The following CEP19 variants were observed in gnomAD, a reference collection of about 807,000 sequenced individuals.
The protein encoded by CEP19 is centrosomal protein of 19 kDa.
A neutral mutation model predicts 17.5 loss-of-function variants in CEP19; 14 were observed. That is an observed-to-expected ratio of 0.80 (90% CI 0.53 to 1.25). The LOEUF (loss-of-function observed/expected upper bound fraction) is 1.25, where lower values mean the gene tolerates loss of function less well. CEP19 is among the 50% of genes most tolerant of loss of function. The probability of loss-of-function intolerance (pLI) is 0.00; values close to 1 mark genes in which losing one functional copy is unlikely to be tolerated. For synonymous variants in CEP19, 59 were observed against 65.5 expected (o/e 0.90, Z 0.48); for missense variants, 193 against 192.0 (o/e 1.01, Z -0.03).
chr3:196,711,603 T>C lies in CEP19; in HGVS notation c.-71+326A>G, dbSNP rs566501956. On this transcript the variant is annotated intron_variant, in intron 1 of 2. Transcript: ENST00000409690. Reference sequence around the variant, plus strand: ...GCTGGGGCTATAGGCGTGAGCCACCTGCCCGGCTATTTTCAGTTTTGGATA... The same window carrying C: ...GCTGGGGCTATAGGCGTGAGCCACCCGCCCGGCTATTTTCAGTTTTGGATA... Among the ~76,000 whole-genome samples, 12 of 152,316 alleles carry C rather than the reference T, an allele frequency of 7.9e-5. No homozygotes were observed. In the South Asian group the frequency reaches 2.5e-3, roughly 32 times the overall value.
At position 196,707,094 on chromosome 3, in the gene CEP19, G is replaced by C. The variant is rs1481883356; in HGVS notation, c.*457C>G. The C allele has an allele frequency of 6.8e-6, 1 of 146,440 alleles. No homozygotes were observed. The highest frequency in any genetic ancestry group is 1.5e-5 in the Non-Finnish European group (1 of 68,060). The allele number at this position is 146,440 out of a possible 1,614,324, so 9.1% of individuals were successfully genotyped here. On this transcript the variant is annotated 3_prime_UTR_variant, in exon 3 of 3. Coordinates refer to ENST00000409690, the MANE Select transcript of CEP19 (RefSeq NM_032898.5). ...CGCCCAGGCTGGAGTACAATGGCGC[G>C]ATCTCGGCTCACTGCAACCTCAGCC...
chr3:196,711,708 G>A (rs1047626360), intron 1 of CEP19, among the ~76,000 whole-genome samples: 1 of 152,156 alleles, frequency 6.6e-6, no homozygotes, highest in Non-Finnish European at 1.5e-5. Context: ...CCGCCTGGAT[G>A]CTCTCTTGGC....
chr3:196,708,557 A>G lies in CEP19; in HGVS notation c.101T>C (p.Met34Thr). The G allele has an allele frequency of 1.2e-6, 2 of 1,614,206 alleles. No individual in the cohort carries two copies. The highest frequency in any genetic ancestry group is 1.7e-6 in the Non-Finnish European group (2 of 1,180,032). ...AAACTTTGAAAAGTTTCGAACTGGC[A>G]TAATGCGCTGGCGAATTTTCCCCTT... ...EIKGKIRQRIMPVRNFSKFSD... is the reference protein window; with the variant it reads ...EIKGKIRQRITPVRNFSKFSD... The change falls in exon 2 of 3, where the codon ATG (methionine) becomes ACG (threonine). Residue 34 changes from methionine to threonine, a missense_variant. Physicochemically the swap from Met to Thr is moderately conservative, Grantham distance 81. Transcript: ENST00000409690.
intron 1 of CEP19, among the ~76,000 whole-genome samples, chr3:196,710,227 G>A (rs1711695513): frequency 6.6e-6 from 1 of 151,900 alleles, no homozygotes; most frequent in Non-Finnish European, 1.5e-5. Context: ...TTATTGTTGG[G>A]CATGAGAATT....
At chr3:196,711,623 T>C (rs1282630613) in intron 1 of CEP19, among the ~76,000 whole-genome samples, 1 of 152,214 alleles carries the variant, frequency 6.6e-6, no homozygotes, top group Non-Finnish European at 1.5e-5. Context: ...TTTTCAGTTT[T>C]GGATAGTATG....
rs1327584503 is a variant in CEP19 at position 196,711,986 on chromosome 3, T to G, written c.-128A>C. 1.4e-6 allele frequency: 1 copy of G among 717,016 alleles called. No individual in the cohort carries two copies. The allele number at this position is 717,016 out of a possible 1,614,324, so 44.4% of individuals were successfully genotyped here. A position where few individuals can be genotyped will look rare whatever the true frequency, so the allele number is the denominator to read the frequency against. On this transcript the variant is annotated 5_prime_UTR_variant, in exon 1 of 3. Coordinates refer to ENST00000409690, the MANE Select transcript of CEP19 (RefSeq NM_032898.5). ...AGGCCAACGTCTAAACAACCAGGAGTGGGTTTTTCCACCCAACCGCAGTGC... is the reference window on the plus strand; with the variant it reads ...AGGCCAACGTCTAAACAACCAGGAGGGGGTTTTTCCACCCAACCGCAGTGC...
chr3:196,707,912 T>A lies in CEP19; in HGVS notation c.131A>T (p.Asp44Val), dbSNP rs1308269033. 1.9e-6 allele frequency: 3 copies of A among 1,607,890 alleles called. No individual in the cohort carries two copies. Among genetic ancestry groups the A allele is most frequent in the Non-Finnish European group, 2.5e-6 (3 of 1,179,328 alleles). Residue 44 changes from aspartate (D) to valine (V), a missense_variant and splice_region_variant, in exon 3 of 3, where the codon GAT becomes GTT. Transcript: ENST00000409690. Reference sequence around the variant, plus strand: ...TAATTGTTCAGCAGCTCTGGTGCAATCTGGGAGAGAGAAGAAAACTATATA... The same window carrying A: ...TAATTGTTCAGCAGCTCTGGTGCAAACTGGGAGAGAGAAGAAAACTATATA... ...MPVRNFSKFSDCTRAAEQLKN... is the reference protein window; with the variant it reads ...MPVRNFSKFSVCTRAAEQLKN...
At chr3:196,709,414 T>A (rs997588398) in intron 1 of CEP19, among the ~76,000 whole-genome samples, 9 of 152,214 alleles carry the variant, frequency 5.9e-5, no homozygotes, top group African/African-American at 2.2e-4. Flanking sequence ...ATATTCATTT[T>A]CCACCACAAT....
In CEP19 at chr3:196,711,989, G is replaced by A. The variant is rs1336327158; in HGVS notation, c.-131C>T. On this transcript the variant is annotated 5_prime_UTR_variant, in exon 1 of 3. Coordinates refer to ENST00000409690, the MANE Select transcript of CEP19 (RefSeq NM_032898.5). ...CCAACGTCTAAACAACCAGGAGTGG[G>A]TTTTTCCACCCAACCGCAGTGCACG... The A allele has an allele frequency of 5.0e-5, 36 of 717,264 alleles. No individual in the cohort carries two copies. Among genetic ancestry groups the A allele is most frequent in the Non-Finnish European group, 8.8e-5 (34 of 385,048 alleles). 44.4% of individuals were successfully genotyped at this position (717,264 alleles called of 1,614,324 possible). A position where few individuals can be genotyped will look rare whatever the true frequency, so the allele number is the denominator to read the frequency against.
intron 2 of CEP19, 45 bp from the exon 3 acceptor site, chr3:196,707,957 A>T: frequency 6.4e-7 from 1 of 1,562,544 alleles, no homozygotes; most frequent in Non-Finnish European, 8.6e-7. Context: ...TACCACGTAC[A>T]TCATATACGC....
At chr3:196,708,867 G>A (rs1227096825) in intron 1 of CEP19, 140 bp from the exon 2 acceptor site, 18 of 544,430 alleles carry the variant, frequency 3.3e-5, no homozygotes, top group South Asian at 2.9e-4. Context: ...ATTAAAATAC[G>A]GACTGCTTCA....
rs747917849 is a variant in CEP19, at chr3:196,708,664, G to A, written c.-7C>T. ...TCTTGGCAGTGCACATCATTCCCAT[G>A]TACATGTCCGGGTAAGTCAGAGGAA... On this transcript the variant is annotated 5_prime_UTR_variant, in exon 2 of 3. Coordinates refer to ENST00000409690, the MANE Select transcript of CEP19 (RefSeq NM_032898.5). 3.1e-6 allele frequency: 5 copies of A among 1,613,364 alleles called. No individual in the cohort carries two copies. The South Asian group carries it at 3.3e-5, about 11-fold the overall frequency.
chr3:196,709,790 T>C (rs1201984900), intron 1 of CEP19, among the ~76,000 whole-genome samples: 1 of 152,242 alleles, frequency 6.6e-6, no homozygotes, highest in Non-Finnish European at 1.5e-5. Context: ...CACTTAACCC[T>C]AAGCACTGCT....
chr3:196,710,417 T>C (rs748311733), intron 1 of CEP19, among the ~76,000 whole-genome samples: 1 of 150,986 alleles, frequency 6.6e-6, no homozygotes, highest in African/African-American at 2.4e-5. Context: ...TAGTGGCAGG[T>C]GCCTGTAATC....
At chr3:196,708,761 T>A (rs1449164617) in intron 1 of CEP19, 34 bp from the exon 2 acceptor site, 1 of 1,182,446 alleles carries the variant, frequency 8.5e-7, no homozygotes, top group Non-Finnish European at 1.2e-6. Context: ...GTTGGATAAA[T>A]GTCATTCATT....
chr3:196,709,577 C>CACGT (rs1233085003), intron 1 of CEP19, among the ~76,000 whole-genome samples: 1 of 152,218 alleles, frequency 6.6e-6, no homozygotes, highest in Admixed American at 6.5e-5. Flanking sequence ...TCTTCATATA[C>CACGT]ACGTCAGTAA....
intron 1 of CEP19, among the ~76,000 whole-genome samples, chr3:196,711,193 T>C (rs557047355): frequency 1.3e-5 from 2 of 152,328 alleles, no homozygotes; most frequent in East Asian, 3.9e-4. Flanking sequence ...AATAATTCTA[T>C]GAGGCTTATA....
At position 196,710,503 on chromosome 3, in the gene CEP19, C is replaced by G. The variant is rs1336588415; in HGVS notation, c.-71+1426G>C. 2.6e-5 allele frequency among the ~76,000 whole-genome samples: 4 copies of G among 152,134 alleles called. No homozygotes were observed. The East Asian group carries it at 7.7e-4, about 29-fold the overall frequency. Reference sequence around the variant, plus strand: ...GAGGTTGCAGTGAGCTGAGATGGTACCACTGCACTCCAGCATGGGTGACAA... The same window carrying G: ...GAGGTTGCAGTGAGCTGAGATGGTAGCACTGCACTCCAGCATGGGTGACAA... On this transcript the variant is annotated intron_variant, in intron 1 of 2. Coordinates refer to ENST00000409690, the MANE Select transcript of CEP19 (RefSeq NM_032898.5).
chr3:196,706,760 G>A lies in CEP19; in HGVS notation c.*791C>T, dbSNP rs188697990. On this transcript the variant is annotated 3_prime_UTR_variant, in exon 3 of 3. Transcript: ENST00000409690. ...TTCCTCAAAAAAAAAATTGTTTCTT[G>A]TCCCTTTACTACTTCCCCTCTCCTT... 79 of 147,930 alleles carry A rather than the reference G, an allele frequency of 5.3e-4. No homozygotes were observed. The highest frequency in any genetic ancestry group is 1.9e-3 in the African/African-American group (76 of 39,998). 9.2% of individuals were successfully genotyped at this position (147,930 alleles called of 1,614,324 possible). A position where few individuals can be genotyped will look rare whatever the true frequency, so the allele number is the denominator to read the frequency against.
Sources: gnomAD v4.1 joint callset for allele counts (sites outside exome capture counted in the v4.1 genomes callset) on GRCh38, gnomAD v4.1.1 for gene constraint, MANE v1.5 for transcripts, NCBI Gene and HGNC (gene_info 2026-07-23, HGNC 2026-07-21) for gene names.